ACVR2B: variants seen among roughly 807,000 people sequenced by gnomAD.
The protein encoded by ACVR2B is activin receptor type-2B.
Under a neutral mutation model 65.1 loss-of-function variants are expected in ACVR2B, and 18 were observed. The observed-to-expected ratio is 0.28, with a 90% CI of 0.19 to 0.41. ACVR2B has a LOEUF of 0.41. ACVR2B is among the 10% of genes least tolerant of loss of function. ACVR2B has a pLI of 1.00. For synonymous variants in ACVR2B, 298 were observed against 277.7 expected (o/e 1.07, Z -0.73); for missense variants, 482 against 682.7 (o/e 0.71, Z 3.28).
At chr3:38,459,753 G>A (rs766566506) in intron 1 of ACVR2B, 892 of 852,032 alleles carry the variant, frequency 1.0e-3, no homozygotes, top group Non-Finnish European at 1.2e-3. Flanking sequence ...GCAGGGCCAG[G>A]CTTCCTGCTG....
chr3:38,488,672 G>C lies in ACVR2B; in HGVS notation c.*5340G>C, dbSNP rs1312693488. On this transcript the variant is annotated 3_prime_UTR_variant, in exon 11 of 11. Coordinates refer to ENST00000352511, the MANE Select transcript of ACVR2B (RefSeq NM_001106.4). ...AGGTATGAATGAAACATGACTTTTTGATTGTGGTACTTCCTGTATCCCCTG... is the reference window on the plus strand; with the variant it reads ...AGGTATGAATGAAACATGACTTTTTCATTGTGGTACTTCCTGTATCCCCTG... 1 of 152,100 alleles carries C rather than the reference G, an allele frequency of 6.6e-6. No homozygotes were observed. Among genetic ancestry groups the C allele is most frequent in the East Asian group, 1.9e-4 (1 of 5,194 alleles). 9.4% of individuals were successfully genotyped at this position (152,100 alleles called of 1,614,324 possible).
Position 38,456,711 on chromosome 3 carries a change from G to T in ACVR2B, c.52+2337G>T, listed in dbSNP as rs1709556460. ...CATTCTCAAATGACAGGGGTGGGGT[G>T]GGGCAAGGGGGTGTTTTCCTCTTTT... On this transcript the variant is annotated intron_variant, in intron 1 of 10. Transcript: ENST00000352511. Among the ~76,000 whole-genome samples, 3 of 152,124 alleles carry T rather than the reference G, an allele frequency of 2.0e-5. No homozygotes were observed. In the South Asian group the frequency reaches 6.2e-4, roughly 32 times the overall value.
At chr3:38,470,901 A>G (rs1456080447) in intron 1 of ACVR2B, among the ~76,000 whole-genome samples, 4 of 152,216 alleles carry the variant, frequency 2.6e-5, no homozygotes, top group Non-Finnish European at 5.9e-5. Context: ...AATAGAGGTA[A>G]CGGTAGAAAA....
At chr3:38,455,163 G>GGGCGC (rs1478750511) in intron 1 of ACVR2B, among the ~76,000 whole-genome samples, 1 of 152,180 alleles carries the variant, frequency 6.6e-6, no homozygotes, top group African/African-American at 2.4e-5. Flanking sequence ...GGGGGTATGT[G>GGGCGC]GGCGCGGGCG....
At chr3:38,466,723 T>G (rs1375219161) in intron 1 of ACVR2B, among the ~76,000 whole-genome samples, 3 of 152,112 alleles carry the variant, frequency 2.0e-5, no homozygotes, top group Non-Finnish European at 4.4e-5. Flanking sequence ...CAGGCTGGTC[T>G]TGAACTCCTG....
At chr3:38,466,224 G>A (rs1288101954) in intron 1 of ACVR2B, among the ~76,000 whole-genome samples, 2 of 152,232 alleles carry the variant, frequency 1.3e-5, no homozygotes, top group African/African-American at 2.4e-5. Flanking sequence ...TAGGTAGGAG[G>A]TCAGATGGGG....
chr3:38,478,122 G>A lies in ACVR2B; in HGVS notation c.371-19G>A. The A allele has an allele frequency of 6.8e-6, 11 of 1,610,694 alleles. No individual in the cohort carries two copies. The highest frequency in any genetic ancestry group is 9.3e-6 in the Non-Finnish European group (11 of 1,178,928). Reference sequence around the variant, plus strand: ...AGGGTGGGCAGACTGTTTGACACAGGGCTCTGTGTGTCCCCCAGTCACGTA... The same window carrying A: ...AGGGTGGGCAGACTGTTTGACACAGAGCTCTGTGTGTCCCCCAGTCACGTA... On this transcript the variant is annotated intron_variant, in intron 3 of 10. Coordinates refer to ENST00000352511, the MANE Select transcript of ACVR2B (RefSeq NM_001106.4).
At chr3:38,482,152 G>C in intron 8 of ACVR2B, 46 bp from the exon 9 acceptor site, 1 of 1,613,544 alleles carries the variant, frequency 6.2e-7, no homozygotes. Context: ...AGCTGTGTGT[G>C]TATGGCCAGT....
chr3:38,455,273 C>T (rs916880675), intron 1 of ACVR2B, among the ~76,000 whole-genome samples: 33 of 152,046 alleles, frequency 2.2e-4, no homozygotes, highest in African/African-American at 7.2e-4. Flanking sequence ...CCCCGGCGGG[C>T]GCGCCGGGAC....
rs1221058721 is a variant in ACVR2B, at chr3:38,487,069, C to T, written c.*3737C>T. The T allele has an allele frequency of 1.3e-5, 2 of 152,488 alleles. No individual in the cohort carries two copies. Among genetic ancestry groups the T allele is most frequent in the Non-Finnish European group, 2.9e-5 (2 of 68,290 alleles). The allele number at this position is 152,488 out of a possible 1,614,324, so 9.4% of individuals were successfully genotyped here. A position where few individuals can be genotyped will look rare whatever the true frequency, so the allele number is the denominator to read the frequency against. On this transcript the variant is annotated 3_prime_UTR_variant, in exon 11 of 11. Coordinates refer to ENST00000352511, the MANE Select transcript of ACVR2B (RefSeq NM_001106.4). ...GTGCTTAGGAGAAAGTGACACCTGG[C>T]AGTGAGGGAAGATGGTGAGCATTAT...
In ACVR2B at chr3:38,477,527, A is replaced by G; in HGVS notation, c.260+33A>G. 10 of 1,604,506 alleles carry G rather than the reference A, an allele frequency of 6.2e-6. 1 individual carries two copies. Among genetic ancestry groups the G allele is most frequent in the Non-Finnish European group, 8.5e-6 (10 of 1,175,348 alleles). ...AAGACTTGCCCTCCTTTCCTCTTGG[A>G]CCCACCTGCGCTTATACTGCCCACT... On this transcript the variant is annotated intron_variant, in intron 2 of 10. Transcript: ENST00000352511. This position sits in a 1 kb window ranked among gnomAD's most constrained non-coding sequence, Gnocchi z 6.7.
Position 38,453,941 on chromosome 3 carries a change from C to T in ACVR2B, c.-382C>T, listed in dbSNP as rs930208119. ...GAGCCATTTTGGACTCGGTTCAGCT[C>T]CCCTCCCCCCCACCCCTCCCCCCGT... On this transcript the variant is annotated 5_prime_UTR_variant, in exon 1 of 11. Transcript: ENST00000352511. The T allele has an allele frequency of 2.8e-5, 4 of 144,650 alleles. No individual in the cohort carries two copies. The highest frequency in any genetic ancestry group is 1.5e-5 in the Non-Finnish European group (1 of 64,858). 9.0% of individuals were successfully genotyped at this position (144,650 alleles called of 1,614,324 possible).
chr3:38,468,832 C>T (rs1433622434), intron 1 of ACVR2B, among the ~76,000 whole-genome samples: 3 of 152,176 alleles, frequency 2.0e-5, no homozygotes, highest in African/African-American at 7.2e-5. Context: ...CATTAAACTA[C>T]TTTATTGCAG....
rs867443465 is a variant in ACVR2B, at chr3:38,460,105, A to G, written c.52+5731A>G. Among the ~76,000 whole-genome samples the G allele has an allele frequency of 7.2e-5, 11 of 152,266 alleles. No homozygotes were observed. The South Asian group carries it at 1.9e-3, about 26-fold the overall frequency. On this transcript the variant is annotated intron_variant, in intron 1 of 10. Coordinates refer to ENST00000352511, the MANE Select transcript of ACVR2B (RefSeq NM_001106.4). ...TCACTGGTATGTGAAGTGCTTGCTG[A>G]GGTTCAGACTTCCTAGTTCCATCTG...
In ACVR2B at chr3:38,483,095, G is replaced by T. The variant is rs1461116613; in HGVS notation, c.1345-43G>T. 1 of 1,610,054 alleles carries T rather than the reference G, an allele frequency of 6.2e-7. No individual in the cohort carries two copies. The highest frequency in any genetic ancestry group is 1.7e-5 in the Admixed American group (1 of 60,016). On this transcript the variant is annotated intron_variant, in intron 10 of 10. Coordinates refer to ENST00000352511, the MANE Select transcript of ACVR2B (RefSeq NM_001106.4). The surrounding 1 kb of genome is among the most constrained non-coding windows in gnomAD (Gnocchi z 4.8). ...CCCCAAAGCTTTTCCTCACTGAAGG[G>T]TCCTAACAAAGGTGTCTTTCCTGTC...
chr3:38,473,455 A>G (rs1709853954), intron 1 of ACVR2B: 1 of 152,368 alleles, frequency 6.6e-6, no homozygotes, highest in African/African-American at 2.4e-5. Flanking sequence ...ATTAAAAGGC[A>G]GAGGTGGCCT....
At chr3:38,466,794 C>G (rs1325591017) in intron 1 of ACVR2B, among the ~76,000 whole-genome samples, 1 of 152,152 alleles carries the variant, frequency 6.6e-6, no homozygotes, top group Non-Finnish European at 1.5e-5. Flanking sequence ...TGAGCCACCA[C>G]GCCCGGCCTA....
chr3:38,455,790 G>A (rs1194121845), intron 1 of ACVR2B, among the ~76,000 whole-genome samples: 1 of 152,208 alleles, frequency 6.6e-6, no homozygotes, highest in Non-Finnish European at 1.5e-5. Flanking sequence ...GCTCCCTTGG[G>A]ATGCCTTTTC....
At chr3:38,454,439 G>A (rs1348248810) in intron 1 of ACVR2B, 65 bp downstream of exon 1, 3 of 1,206,452 alleles carry the variant, frequency 2.5e-6, no homozygotes, top group East Asian at 3.2e-5. Context: ...GGCGCCGCGC[G>A]GTGTTTACCA....
Sources: gnomAD v4.1 joint callset for allele counts (sites outside exome capture counted in the v4.1 genomes callset) on GRCh38, gnomAD v4.1.1 for gene constraint, Gnocchi (gnomAD v3.1) non-coding constraint, MANE v1.5 for transcripts, NCBI Gene and HGNC (gene_info 2026-07-23, HGNC 2026-07-21) for gene names.